ROS1: variants seen among roughly 807,000 people sequenced by gnomAD.
ROS1 encodes ROS proto-oncogene 1, receptor tyrosine kinase.
A neutral mutation model predicts 273.5 loss-of-function variants in ROS1; 263 were observed. That is an observed-to-expected ratio of 0.96 (90% CI 0.87 to 1.06). The LOEUF is 1.06. Ranked by LOEUF, ROS1 falls within the 50% of genes least tolerant of loss-of-function variation. ROS1 has a pLI of 0.00. For missense variants in ROS1, 2,833 were observed against 2,751.1 expected, an observed-to-expected ratio of 1.03 and a Z score of -0.67; for synonymous variants, 1,008 against 954.1, an observed-to-expected ratio of 1.06 and a Z score of -1.04.
intron 7 of ROS1, among the ~76,000 whole-genome samples, chr6:117,400,140 G>C (rs1466471598): frequency 6.6e-6 from 1 of 152,038 alleles, no homozygotes; most frequent in East Asian, 1.9e-4. Flanking sequence ...ATCCAATCTT[G>C]GTGACCCTGG....
Position 117,407,950 on chromosome 6 carries a change from C to T in ROS1, c.316+1632G>A, listed in dbSNP as rs1302961958. 2.0e-5 allele frequency among the ~76,000 whole-genome samples: 3 copies of T among 152,270 alleles called. No individual in the cohort carries two copies. The East Asian group carries it at 5.8e-4, about 29-fold the overall frequency. The stretch of plus-strand genomic sequence containing the variant: ...CTGATCTTTGACAAACCTACAAAAA[C>T]AAGAAATGGGGAAAGGATTCCCTAT... On this transcript the variant is annotated intron_variant, in intron 5 of 43. Coordinates refer to ENST00000368507, the MANE Select transcript of ROS1 (RefSeq NM_001378902.1).
At chr6:117,411,825 C>T (rs1263533724) in intron 4 of ROS1, among the ~76,000 whole-genome samples, 2 of 152,130 alleles carry the variant, frequency 1.3e-5, no homozygotes, top group Non-Finnish European at 2.9e-5. Context: ...AGTTAAACTC[C>T]CTGCCTTACA....
intron 41 of ROS1, 114 bp from the exon 42 acceptor site, chr6:117,309,042 T>C (rs557967444): frequency 1.6e-5 from 16 of 1,005,522 alleles, no homozygotes; most frequent in African/African-American, 1.3e-4. Flanking sequence ...GTCAGTGTAT[T>C]ATTGGCCTCA....
chr6:117,288,925 A>C, intron 43 of ROS1, 123 bp from the exon 44 acceptor site: 1 of 770,626 alleles, frequency 1.3e-6, no homozygotes, highest in South Asian at 2.0e-5. Flanking sequence ...ACATTTATGA[A>C]GACTACTAAG....
chr6:117,387,903 C>T lies in ROS1; in HGVS notation c.1876G>A (p.Gly626Arg), dbSNP rs1375767478. The change falls in exon 14 of 44, where the codon GGA becomes AGA. Residue 626 changes from glycine to arginine, a missense_variant. Gly to Arg is a moderately radical substitution (Grantham distance 125). Transcript: ENST00000368507. ...AGCTCAGGTACATTCAGCATGGTTC[C>T]ACTTATGTTCAAGAAAATATGAGTG... Reference protein sequence around the residue: ...EVTHIFLNISGTMLNVPELQS... With the variant: ...EVTHIFLNISRTMLNVPELQS... 22 of 1,614,062 alleles carry T rather than the reference C, an allele frequency of 1.4e-5. No individual in the cohort carries two copies. The highest frequency in any genetic ancestry group is 1.9e-5 in the Non-Finnish European group (22 of 1,180,028).
In ROS1 at chr6:117,310,149, CAGGCCT is replaced by C; in HGVS notation, c.6342_6347del (p.Gly2115_Leu2116del). The C allele has an allele frequency of 6.2e-7, 1 of 1,613,520 alleles. No homozygotes were observed. The highest frequency in any genetic ancestry group is 8.5e-7 in the Non-Finnish European group (1 of 1,179,646). ...CTGGAGCCATCCACCGAACTGGGAGCAGGCCTTCCCCTCTCTTTCTATAGTAATCAT... is the reference window on the plus strand; with the variant it reads ...CTGGAGCCATCCACCGAACTGGGAGCTCCCCTCTCTTTCTATAGTAATCAT... On this transcript the variant is annotated inframe_deletion, in exon 41 of 44. Coordinates refer to ENST00000368507, the MANE Select transcript of ROS1 (RefSeq NM_001378902.1).
rs199927345 is a variant in ROS1, at chr6:117,321,256, T to C, written c.5759+3A>G. On this transcript the variant is annotated splice_donor_region_variant and intron_variant, in intron 36 of 43. Coordinates refer to ENST00000368507, the MANE Select transcript of ROS1 (RefSeq NM_001378902.1). ...CTCCATAATGATGGCCAAAGCTACA[T>C]ACTGTATTGCATAGCAGGCATTAGC... 8.1e-6 allele frequency: 13 copies of C among 1,612,968 alleles called. No homozygotes were observed. Among genetic ancestry groups the C allele is most frequent in the South Asian group, 3.3e-5 (3 of 90,900 alleles).
intron 31 of ROS1, among the ~76,000 whole-genome samples, chr6:117,340,839 T>A (rs1052896917): frequency 6.6e-6 from 1 of 152,072 alleles, no homozygotes; most frequent in East Asian, 1.9e-4. Flanking sequence ...CAAGTTACTA[T>A]GGACTTTAAA....
rs1776175430 is a variant in ROS1, at chr6:117,319,960, A to T, written c.5830T>A (p.Leu1944Met). 2 of 1,613,432 alleles carry T rather than the reference A, an allele frequency of 1.2e-6. No homozygotes were observed. Among genetic ancestry groups the T allele is most frequent in the African/African-American group, 2.7e-5 (2 of 74,990 alleles). The change falls in exon 37 of 44, where the codon TTG becomes ATG. Residue 1944 changes from leucine (L) to methionine (M), a missense_variant. By Grantham distance (15) the Leu-to-Met change is conservative. Transcript: ENST00000368507. ...TCTCCAAAGGCTCCACTTCCCAGCA[A>T]GAGACGCAGAGTCAGTTTTTCCCGA... ...FPREKLTLRL[L>M]LGSGAFGEVY...
chr6:117,411,611 T>G (rs1045668553), intron 4 of ROS1, among the ~76,000 whole-genome samples: 1 of 152,166 alleles, frequency 6.6e-6, no homozygotes. Flanking sequence ...GGCTCCACCC[T>G]TGGTTTCCCA....
At chr6:117,305,944 ATTATAC>A (rs1775063222) in intron 42 of ROS1, among the ~76,000 whole-genome samples, 1 of 151,024 alleles carries the variant, frequency 6.6e-6, no homozygotes, top group African/African-American at 2.4e-5. Flanking sequence ...AAAAATACTC[ATTATAC>A]TTGAAGTATC....
intron 28 of ROS1, among the ~76,000 whole-genome samples, chr6:117,343,071 G>C (rs1390936881): frequency 6.6e-6 from 1 of 150,662 alleles, no homozygotes; most frequent in African/African-American, 2.4e-5. Flanking sequence ...GTGAAGCCTA[G>C]ATGCAGAGTG....
chr6:117,294,849 T>C (rs1160772779), intron 43 of ROS1, among the ~76,000 whole-genome samples: 6 of 152,138 alleles, frequency 3.9e-5, no homozygotes, highest in Non-Finnish European at 7.4e-5. Flanking sequence ...TGCTCAAGGA[T>C]TGGAAGAATC....
At chr6:117,372,634 GGTGA>G (rs1221317544) in intron 18 of ROS1, among the ~76,000 whole-genome samples, 1 of 152,158 alleles carries the variant, frequency 6.6e-6, no homozygotes, top group African/African-American at 2.4e-5. Context: ...AGACCTTCGT[GGTGA>G]GTGTTACAGC....
intron 27 of ROS1, among the ~76,000 whole-genome samples, chr6:117,347,599 A>T (rs1365592595): frequency 6.6e-6 from 1 of 151,938 alleles, no homozygotes; most frequent in African/African-American, 2.4e-5. Context: ...TGTGACTTCC[A>T]CTGCAGTGTT....
intron 18 of ROS1, among the ~76,000 whole-genome samples, chr6:117,372,837 A>C (rs573587666): frequency 6.6e-6 from 1 of 152,334 alleles, no homozygotes; most frequent in Admixed American, 6.5e-5. Flanking sequence ...ACTGTGGAAA[A>C]GGATCCATTC....
chr6:117,398,257 T>TC (rs1197787842), intron 7 of ROS1, among the ~76,000 whole-genome samples: 19 of 150,094 alleles, frequency 1.3e-4, no homozygotes, highest in African/African-American at 4.5e-4. Flanking sequence ...GCGATCATTG[T>TC]CCAGGTCTTC....
In ROS1 at chr6:117,362,788, C is replaced by G. The variant is rs1779912617; in HGVS notation, c.3181G>C (p.Glu1061Gln). 1 of 1,613,530 alleles carries G rather than the reference C, an allele frequency of 6.2e-7. No individual in the cohort carries two copies. ...TGCTTAGGTTTGTTCCACCTAAATT[C>G]CACCACAACTTCATTCTTGTTGCAG... ...KCCNKNEVVV[E>Q]FRWNKPKHEN... The change falls in exon 22 of 44, where the codon GAA becomes CAA. Residue 1061 changes from glutamate (E) to glutamine (Q), a missense_variant. Transcript: ENST00000368507.
At chr6:117,393,529 A>G (rs1232717958) in intron 11 of ROS1, among the ~76,000 whole-genome samples, 1 of 152,208 alleles carries the variant, frequency 6.6e-6, no homozygotes, top group Non-Finnish European at 1.5e-5. Context: ...TCAATGCAAT[A>G]CAAGTGCCTA....
Sources: gnomAD v4.1 joint callset for allele counts (sites outside exome capture counted in the v4.1 genomes callset) on GRCh38, gnomAD v4.1.1 for gene constraint, MANE v1.5 for transcripts, NCBI Gene and HGNC (gene_info 2026-07-23, HGNC 2026-07-21) for gene names.